Variants in GALNT18 observed in about 807,000 individuals in gnomAD.
The protein encoded by GALNT18 is GalNAc-transferase 18.
Under a neutral mutation model 69.5 loss-of-function variants are expected in GALNT18, and 44 were observed. That is an observed-to-expected ratio of 0.63 (90% CI 0.50 to 0.81). The LOEUF is 0.81. Ranked by LOEUF, GALNT18 falls within the 40% of genes least tolerant of loss-of-function variation. The pLI, the probability that GALNT18 is intolerant of heterozygous loss-of-function variation, is 0.00. For synonymous variants in GALNT18, 364 were observed against 318.2 expected (o/e 1.14, Z -1.53); for missense variants, 715 against 810.0 (o/e 0.88, Z 1.42).
Position 11,385,502 on chromosome 11 carries a change from A to T in GALNT18, c.596-6238T>A, listed in dbSNP as rs1014541400. On this transcript the variant is annotated intron_variant, in intron 3 of 10. Transcript: ENST00000227756. Reference sequence around the variant, plus strand: ...AGTAGAGATGGGGTTTCACCATGTTAGCCAGGATGGTCTCGATCTCCTGAC... The same window carrying T: ...AGTAGAGATGGGGTTTCACCATGTTTGCCAGGATGGTCTCGATCTCCTGAC... Among the ~76,000 whole-genome samples the T allele has an allele frequency of 3.3e-5, 5 of 152,010 alleles. No homozygotes were observed. In the East Asian group the frequency reaches 7.7e-4, roughly 24 times the overall value.
Position 11,614,359 on chromosome 11 carries a change from AGAAGAGGAGGAG to A in GALNT18, c.235+6988_235+6999del, listed in dbSNP as rs1476656193. Among the ~76,000 whole-genome samples, 267 of 114,158 alleles carry A rather than the reference AGAAGAGGAGGAG, an allele frequency of 2.3e-3. 2 individuals are homozygous for A. The highest frequency in any genetic ancestry group is 0.011 in the African/African-American group (256 of 22,578). 74.9% of individuals were successfully genotyped at this position (114,158 alleles called of 152,430 possible). On this transcript the variant is annotated intron_variant, in intron 1 of 10. Transcript: ENST00000227756. The surrounding 1 kb of genome is among the most constrained non-coding windows in gnomAD (Gnocchi z 5.6). ...AGGCAAGAGAGTGAGGAGAAGAAGA[AGAAGAGGAGGAG>A]GAGGAGGAGGAGGAGGAGGAGGAGG...
At position 11,338,886 on chromosome 11, in the gene GALNT18, A is replaced by C. The variant is rs780460263; in HGVS notation, c.1278+1933T>G. Among the ~76,000 whole-genome samples, 1 of 152,108 alleles carries C rather than the reference A, an allele frequency of 6.6e-6. No homozygotes were observed. Among genetic ancestry groups the C allele is most frequent in the Non-Finnish European group, 1.5e-5 (1 of 68,012 alleles). The stretch of plus-strand genomic sequence containing the variant: ...GAGTTAGGAATAAATGGAGAGAGAT[A>C]AGATTCCAGGGTGTGGAATCATGGA... On this transcript the variant is annotated intron_variant, in intron 7 of 10. Transcript: ENST00000227756. The surrounding 1 kb of genome is among the most constrained non-coding windows in gnomAD (Gnocchi z 5.3).
At chr11:11,481,694 G>T (rs560355943) in intron 1 of GALNT18, among the ~76,000 whole-genome samples, 4 of 152,154 alleles carry the variant, frequency 2.6e-5, no homozygotes, top group African/African-American at 7.2e-5. Context: ...GGTGCTGGTG[G>T]TTGGAATTTG....
At chr11:11,278,750 A>C (rs1215252758) in intron 10 of GALNT18, among the ~76,000 whole-genome samples, 1 of 152,192 alleles carries the variant, frequency 6.6e-6, no homozygotes, top group Non-Finnish European at 1.5e-5. Flanking sequence ...AATAGGTACA[A>C]AAATACAGTT....
At chr11:11,449,964 A>G (rs1855755185) in intron 1 of GALNT18, among the ~76,000 whole-genome samples, 1 of 152,240 alleles carries the variant, frequency 6.6e-6, no homozygotes, top group African/African-American at 2.4e-5. Flanking sequence ...GATGGGGGCT[A>G]AAAGATAGAT....
At chr11:11,331,467 T>C (rs901552) in intron 8 of GALNT18, among the ~76,000 whole-genome samples, 130,646 of 152,138 alleles carry the variant, frequency 0.86, 56,314 homozygotes, top group South Asian at 0.91. Flanking sequence ...TGAGCCCAAT[T>C]TCTCAGCAGA....
At position 11,621,481 on chromosome 11, in the gene GALNT18, C is replaced by T; in HGVS notation, c.113G>A (p.Ser38Asn). 1 of 1,614,170 alleles carries T rather than the reference C, an allele frequency of 6.2e-7. No homozygotes were observed. Among genetic ancestry groups the T allele is most frequent in the Non-Finnish European group, 8.5e-7 (1 of 1,180,006 alleles). The change falls in exon 1 of 11, where the codon AGC becomes AAC. Residue 38 changes from serine (S) to asparagine (N), a missense_variant. Transcript: ENST00000227756. The surrounding 1 kb of genome is among the most constrained non-coding windows in gnomAD (Gnocchi z 9.3). ...CGGCTCCTGCCCCCGCACATACACG[C>T]TGGCGATGTAGTTGGTGACCCAGCC... The part of the protein sequence containing the change: ...YVGWVTNYIA[S>N]VYVRGQEPAP...
intron 10 of GALNT18, among the ~76,000 whole-genome samples, chr11:11,287,326 A>G (rs1031201350): frequency 3.3e-5 from 5 of 152,196 alleles, no homozygotes; most frequent in African/African-American, 1.2e-4. Flanking sequence ...TCTCTTCAAT[A>G]ACATCTTTGA....
intron 3 of GALNT18, among the ~76,000 whole-genome samples, chr11:11,393,252 T>C (rs1292187741): frequency 6.6e-6 from 1 of 152,168 alleles, no homozygotes. Context: ...GGGATTGGTA[T>C]TGAGGGAGAC....
In GALNT18 at chr11:11,436,680, T is replaced by C. The variant is rs144602622; in HGVS notation, c.429-3893A>G. Among the ~76,000 whole-genome samples the C allele has an allele frequency of 3.9e-5, 6 of 152,292 alleles. No individual in the cohort carries two copies. The highest frequency in any genetic ancestry group is 6.5e-5 in the Admixed American group (1 of 15,296). ...TCTTCACCTCAACACTGAAGCAGAA[T>C]GTACATTGCTGAAGGGCAGGGGCAA... On this transcript the variant is annotated intron_variant, in intron 2 of 10. Transcript: ENST00000227756. The surrounding 1 kb of genome is among the most constrained non-coding windows in gnomAD (Gnocchi z 4.5).
intron 1 of GALNT18, among the ~76,000 whole-genome samples, chr11:11,489,530 T>G (rs915076088): frequency 6.6e-6 from 1 of 152,080 alleles, no homozygotes; most frequent in African/African-American, 2.4e-5. Context: ...GGCAGGTCGC[T>G]CCCTAGAGAG....
intron 1 of GALNT18, among the ~76,000 whole-genome samples, chr11:11,509,920 A>G (rs1050334042): frequency 1.3e-5 from 2 of 152,238 alleles, no homozygotes; most frequent in African/African-American, 4.8e-5. Context: ...CACCACGCAG[A>G]AAGAGTATTT....
chr11:11,489,602 T>A (rs1475630201), intron 1 of GALNT18, among the ~76,000 whole-genome samples: 1 of 152,212 alleles, frequency 6.6e-6, no homozygotes, highest in Non-Finnish European at 1.5e-5. Context: ...CTGGTTTTAA[T>A]GCCAGCTCTG....
chr11:11,307,611 G>A (rs569059771), intron 9 of GALNT18, among the ~76,000 whole-genome samples: 1 of 152,268 alleles, frequency 6.6e-6, no homozygotes, highest in South Asian at 2.1e-4. Context: ...CAAGAGGAAA[G>A]AAGGAAAGGT....
chr11:11,410,743 G>A (rs1357015874), intron 3 of GALNT18, among the ~76,000 whole-genome samples: 1 of 152,142 alleles, frequency 6.6e-6, no homozygotes, highest in Non-Finnish European at 1.5e-5. Flanking sequence ...TAATTTTATG[G>A]CTCAGAACTG....
rs115685166 is a variant in GALNT18 at position 11,603,125 on chromosome 11, C to T, written c.235+18234G>A. 0.013 allele frequency among the ~76,000 whole-genome samples: 1,953 copies of T among 152,302 alleles called. 51 individuals carry two copies. Among genetic ancestry groups the T allele is most frequent in the African/African-American group, 0.045 (1,871 of 41,562 alleles). ...CTAAGTTATGTCTTCCCATCAACTACTTCAATTTGTGTTTGGTGCTTCTCC... is the reference window on the plus strand; with the variant it reads ...CTAAGTTATGTCTTCCCATCAACTATTTCAATTTGTGTTTGGTGCTTCTCC... On this transcript the variant is annotated intron_variant, in intron 1 of 10. Transcript: ENST00000227756. This position sits in a 1 kb window ranked among gnomAD's most constrained non-coding sequence, Gnocchi z 4.5.
At chr11:11,560,555 T>C (rs1007512654) in intron 1 of GALNT18, among the ~76,000 whole-genome samples, 2 of 152,164 alleles carry the variant, frequency 1.3e-5, no homozygotes, top group African/African-American at 4.8e-5. Flanking sequence ...GGAAGAAGCC[T>C]CCTTCAGAGC....
chr11:11,574,049 C>T (rs2134001922), intron 1 of GALNT18, among the ~76,000 whole-genome samples: 1 of 152,250 alleles, frequency 6.6e-6, no homozygotes, highest in South Asian at 2.1e-4. Context: ...GACACTGTAG[C>T]ATCTTTCAAC....
intron 3 of GALNT18, among the ~76,000 whole-genome samples, chr11:11,420,702 C>T (rs1264206847): frequency 6.6e-6 from 1 of 152,156 alleles, no homozygotes; most frequent in Non-Finnish European, 1.5e-5. Context: ...AGGCTGGGTG[C>T]CAAGAATGAA....
Sources: gnomAD v4.1 joint callset for allele counts (sites outside exome capture counted in the v4.1 genomes callset) on GRCh38, gnomAD v4.1.1 for gene constraint, Gnocchi (gnomAD v3.1) non-coding constraint, MANE v1.5 for transcripts, NCBI Gene and HGNC (gene_info 2026-07-23, HGNC 2026-07-21) for gene names.